PTPRE: variants seen among roughly 807,000 people sequenced by gnomAD.
PTPRE encodes the protein receptor-type tyrosine-protein phosphatase epsilon.
Under a neutral mutation model 102.0 loss-of-function variants are expected in PTPRE, and 51 were observed. The ratio of observed to expected loss-of-function variants is 0.50; its 90% CI spans 0.40 to 0.63. The LOEUF (loss-of-function observed/expected upper bound fraction) is 0.63. PTPRE is among the 30% of genes least tolerant of loss of function. The pLI is 0.00. For synonymous variants in PTPRE, 345 were observed against 348.2 expected (o/e 0.99, Z 0.10); for missense variants, 752 against 915.1 (o/e 0.82, Z 2.30).
At chr10:128,023,037 C>A (rs1418113997) in intron 2 of PTPRE, among the ~76,000 whole-genome samples, 1 of 152,232 alleles carries the variant, frequency 6.6e-6, no homozygotes, top group Non-Finnish European at 1.5e-5. Flanking sequence ...CGTGGTTCCA[C>A]TTCCACAGTT....
chr10:128,073,482 C>T lies in PTPRE; in HGVS notation c.1599+11C>T. On this transcript the variant is annotated intron_variant, in intron 17 of 20. Transcript: ENST00000254667. ...CAGGAGAGAGAGCAGGTGAGGAGTGCCGCCCAGCCCGGTCCCTCCAGGGCA... is the reference window on the plus strand; with the variant it reads ...CAGGAGAGAGAGCAGGTGAGGAGTGTCGCCCAGCCCGGTCCCTCCAGGGCA... 6.2e-7 allele frequency: 1 copy of T among 1,605,954 alleles called. No homozygotes were observed. The highest frequency in any genetic ancestry group is 1.1e-5 in the South Asian group (1 of 90,536).
intron 1 of PTPRE, among the ~76,000 whole-genome samples, chr10:127,956,887 T>G (rs1486429350): frequency 6.6e-6 from 1 of 152,208 alleles, no homozygotes. Context: ...ATGTGTCTGT[T>G]CTGGTCTTTG....
intron 11 of PTPRE, among the ~76,000 whole-genome samples, chr10:128,067,226 A>ACATT (rs1850263293): frequency 8.2e-6 from 1 of 121,352 alleles, no homozygotes; most frequent in Non-Finnish European, 1.8e-5. Context: ...TCACATGCAC[A>ACATT]CACATGCACA....
chr10:128,005,296 C>G (rs1854412033), intron 2 of PTPRE, among the ~76,000 whole-genome samples: 1 of 152,192 alleles, frequency 6.6e-6, no homozygotes, highest in Non-Finnish European at 1.5e-5. Context: ...GGGAAAGACT[C>G]CTTCCTCTCT....
At chr10:128,031,495 G>A (rs1386783955) in intron 2 of PTPRE, among the ~76,000 whole-genome samples, 1 of 152,270 alleles carries the variant, frequency 6.6e-6, no homozygotes, top group African/African-American at 2.4e-5. Flanking sequence ...GCCATGTTGT[G>A]TGGGCCCTGC....
At chr10:127,991,541 C>T (rs137941750) in intron 2 of PTPRE, among the ~76,000 whole-genome samples, 1 of 152,188 alleles carries the variant, frequency 6.6e-6, no homozygotes, top group African/African-American at 2.4e-5. Context: ...ATGGAATGCT[C>T]TCTAGAAAAG....
chr10:127,996,492 T>G (rs1564862273), intron 2 of PTPRE, among the ~76,000 whole-genome samples: 1 of 152,188 alleles, frequency 6.6e-6, no homozygotes, highest in Non-Finnish European at 1.5e-5. Context: ...TTCCTTACAG[T>G]AAAACCTCCA....
chr10:127,909,853 A>G (rs1432119629), intron 1 of PTPRE, among the ~76,000 whole-genome samples: 1 of 152,186 alleles, frequency 6.6e-6, no homozygotes, highest in African/African-American at 2.4e-5. Flanking sequence ...ATAGGCAGCC[A>G]CACATTTTTG....
At chr10:128,003,514 GA>G (rs1056919926) in intron 2 of PTPRE, among the ~76,000 whole-genome samples, 4 of 151,622 alleles carry the variant, frequency 2.6e-5, no homozygotes, top group East Asian at 3.9e-4. Flanking sequence ...AAAGGAAAAA[GA>G]AAAAAAAGAA....
At chr10:128,047,280 A>C in intron 3 of PTPRE, 110 bp from the exon 4 acceptor site, 1 of 1,426,884 alleles carries the variant, frequency 7.0e-7, no homozygotes, top group Non-Finnish European at 9.3e-7. Flanking sequence ...TCCACTTTAC[A>C]AAATATAGTT....
chr10:127,985,464 A>T (rs1156248002), intron 2 of PTPRE, among the ~76,000 whole-genome samples: 3 of 152,124 alleles, frequency 2.0e-5, no homozygotes, highest in Non-Finnish European at 4.4e-5. Context: ...CACACCTGTA[A>T]TCCCAGCTAC....
chr10:127,984,078 C>CTTTT (rs58130253), intron 2 of PTPRE, among the ~76,000 whole-genome samples: 55 of 125,340 alleles, frequency 4.4e-4, no homozygotes, highest in Non-Finnish European at 6.8e-4. Context: ...TTCTTTCTTT[C>CTTTT]TTTTTTTTTT....
At chr10:127,955,961 C>T (rs1179119075) in intron 1 of PTPRE, among the ~76,000 whole-genome samples, 1 of 152,142 alleles carries the variant, frequency 6.6e-6, no homozygotes, top group Non-Finnish European at 1.5e-5. Flanking sequence ...GGGGGAAATC[C>T]ATCCCATGAT....
Position 128,082,910 on chromosome 10 carries a change from T to C in PTPRE, c.*4T>C. The C allele has an allele frequency of 1.9e-6, 3 of 1,549,092 alleles. No homozygotes were observed. The highest frequency in any genetic ancestry group is 2.6e-6 in the Non-Finnish European group (3 of 1,155,690). ...TGATTATGCTAATTTCAAATGAAGA[T>C]TCCTGCCTTAAAATATTTTTTAATT... On this transcript the variant is annotated 3_prime_UTR_variant, in exon 21 of 21. Transcript: ENST00000254667.
At chr10:128,030,903 A>G (rs1387931646) in intron 2 of PTPRE, among the ~76,000 whole-genome samples, 1 of 152,080 alleles carries the variant, frequency 6.6e-6, no homozygotes, top group Non-Finnish European at 1.5e-5. Context: ...AGGGGCAGGC[A>G]CCCTGCAGGG....
intron 1 of PTPRE, among the ~76,000 whole-genome samples, chr10:127,946,248 A>G (rs1848611031): frequency 6.6e-6 from 1 of 152,188 alleles, no homozygotes; most frequent in African/African-American, 2.4e-5. Flanking sequence ...ACACACATCA[A>G]AATGCTTGGA....
intron 2 of PTPRE, among the ~76,000 whole-genome samples, chr10:128,031,547 C>T (rs1846758739): frequency 6.6e-6 from 1 of 152,214 alleles, no homozygotes; most frequent in Admixed American, 6.5e-5. Context: ...GTTCTGTTTC[C>T]TATATTGATG....
At chr10:128,064,554 T>C (rs148870564) in intron 10 of PTPRE, among the ~76,000 whole-genome samples, 22 of 152,244 alleles carry the variant, frequency 1.4e-4, no homozygotes, top group Non-Finnish European at 2.8e-4. Context: ...CCATGGCCCA[T>C]AGGGACCAGT....
At chr10:128,078,524 T>C (rs1851425683) in intron 19 of PTPRE, among the ~76,000 whole-genome samples, 1 of 152,240 alleles carries the variant, frequency 6.6e-6, no homozygotes, top group Non-Finnish European at 1.5e-5. Flanking sequence ...GGTGCTAATG[T>C]GCTCCTGAAA....
Sources: gnomAD v4.1 joint callset for allele counts (sites outside exome capture counted in the v4.1 genomes callset) on GRCh38, gnomAD v4.1.1 for gene constraint, MANE v1.5 for transcripts, NCBI Gene and HGNC (gene_info 2026-07-23, HGNC 2026-07-21) for gene names.